The following MYO3B variants were observed in gnomAD, a reference collection of about 807,000 sequenced individuals.
MYO3B encodes the protein myosin-IIIb.
MYO3B carries 156 observed loss-of-function variants against 174.6 expected under a neutral mutation model. That is an observed-to-expected ratio of 0.89 (90% CI 0.78 to 1.02). The LOEUF (loss-of-function observed/expected upper bound fraction) is 1.02. Ranked by LOEUF, MYO3B falls within the 50% of genes least tolerant of loss-of-function variation. MYO3B has a pLI of 0.00. For missense variants in MYO3B, 1,632 were observed against 1,639.4 expected, an observed-to-expected ratio of 1.00 and a Z score of 0.08; for synonymous variants, 563 against 569.1, an observed-to-expected ratio of 0.99 and a Z score of 0.15.
At chr2:170,298,543 C>A (rs992520190) in intron 7 of MYO3B, among the ~76,000 whole-genome samples, 1 of 151,574 alleles carries the variant, frequency 6.6e-6, no homozygotes, top group East Asian at 1.9e-4. Context: ...GGTGTGCTGG[C>A]GGGGACCTGT....
intron 25 of MYO3B, among the ~76,000 whole-genome samples, chr2:170,491,648 A>G (rs920790875): frequency 4.6e-5 from 7 of 152,228 alleles, no homozygotes; most frequent in Non-Finnish European, 8.8e-5. Context: ...GACGGTCTCA[A>G]TCTCCTGACC....
intron 32 of MYO3B, among the ~76,000 whole-genome samples, chr2:170,621,497 ATGTTTTTT>A (rs752464983): frequency 1.0e-4 from 15 of 148,950 alleles, no homozygotes; most frequent in East Asian, 2.0e-4. Flanking sequence ...CCAACTGGAA[ATGTTTTTT>A]TGTTTTTTTG....
At chr2:170,233,742 C>T (rs2093037704) in intron 6 of MYO3B, among the ~76,000 whole-genome samples, 1 of 152,194 alleles carries the variant, frequency 6.6e-6, no homozygotes, top group African/African-American at 2.4e-5. Flanking sequence ...AACAAGAGCA[C>T]AGAGTTTAGA....
chr2:170,385,311 C>A (rs1260969587), intron 12 of MYO3B, among the ~76,000 whole-genome samples: 1 of 152,154 alleles, frequency 6.6e-6, no homozygotes, highest in African/African-American at 2.4e-5. Context: ...ACTCTAATCA[C>A]ATGTTTGGTC....
chr2:170,424,680 A>G (rs368448931), intron 22 of MYO3B, among the ~76,000 whole-genome samples: 31 of 152,324 alleles, frequency 2.0e-4, no homozygotes, highest in African/African-American at 5.5e-4. Context: ...TAACCTTGGG[A>G]AAATTAGTGT....
chr2:170,400,853 C>T lies in MYO3B; in HGVS notation c.1918+539C>T, dbSNP rs1027101926. Among the ~76,000 whole-genome samples, 5 of 148,800 alleles carry T rather than the reference C, an allele frequency of 3.4e-5. No individual in the cohort carries two copies. The East Asian group carries it at 8.7e-4, about 26-fold the overall frequency. ...TGTTTTTTTCTTTTTTTTTTCGAGGCGGAGTCTCGCTCTGTCTCCCAGACT... is the reference window on the plus strand; with the variant it reads ...TGTTTTTTTCTTTTTTTTTTCGAGGTGGAGTCTCGCTCTGTCTCCCAGACT... On this transcript the variant is annotated intron_variant, in intron 17 of 34. Transcript: ENST00000408978.
intron 32 of MYO3B, chr2:170,641,154 C>A (rs954929905): frequency 6.6e-6 from 1 of 152,218 alleles, no homozygotes; most frequent in East Asian, 1.9e-4. Context: ...CTGTTTCCAA[C>A]TGAAGAGGAA....
chr2:170,423,489 AAATATTTAT>A (rs2094634979), intron 22 of MYO3B, among the ~76,000 whole-genome samples: 1 of 152,052 alleles, frequency 6.6e-6, no homozygotes, highest in African/African-American at 2.4e-5. Context: ...CTTCTTCATA[AAATATTTAT>A]TTTCTTGTGT....
At chr2:170,268,843 T>C (rs951217671) in intron 7 of MYO3B, among the ~76,000 whole-genome samples, 2 of 152,056 alleles carry the variant, frequency 1.3e-5, no homozygotes, top group African/African-American at 4.8e-5. Context: ...AGACAAAGGA[T>C]AGAAATTAGC....
intron 32 of MYO3B, among the ~76,000 whole-genome samples, chr2:170,590,462 AT>A (rs1169758115): frequency 1.3e-5 from 2 of 151,966 alleles, no homozygotes; most frequent in Admixed American, 6.6e-5. Flanking sequence ...ACATTAACAT[AT>A]TTTTTTAAGT....
At chr2:170,258,482 A>G (rs1213256230) in intron 7 of MYO3B, among the ~76,000 whole-genome samples, 1 of 152,098 alleles carries the variant, frequency 6.6e-6, no homozygotes, top group Non-Finnish European at 1.5e-5. Flanking sequence ...CTCAATAGAT[A>G]TAGAAAAAGC....
At chr2:170,385,565 A>G (rs1474931908) in intron 12 of MYO3B, among the ~76,000 whole-genome samples, 2 of 152,238 alleles carry the variant, frequency 1.3e-5, no homozygotes, top group African/African-American at 4.8e-5. Flanking sequence ...GAAATGAATG[A>G]TAAAAATATC....
chr2:170,380,240 A>T (rs2094325334), intron 9 of MYO3B, among the ~76,000 whole-genome samples: 1 of 151,018 alleles, frequency 6.6e-6, no homozygotes, highest in African/African-American at 2.4e-5. Context: ...AGGACAGTTT[A>T]TGTATGATTT....
intron 25 of MYO3B, among the ~76,000 whole-genome samples, chr2:170,482,075 C>T (rs1208671190): frequency 2.0e-5 from 3 of 151,928 alleles, no homozygotes; most frequent in African/African-American, 4.8e-5. Context: ...GCACATCTTT[C>T]CCTTGTTGTT....
rs574132192 is a variant in MYO3B at position 170,393,651 on chromosome 2, C to T, written c.1791+1156C>T. 3.1e-4 allele frequency among the ~76,000 whole-genome samples: 47 copies of T among 152,288 alleles called. 2 individuals are homozygous for T. The highest frequency in any genetic ancestry group is 1.1e-3 in the African/African-American group (45 of 41,564). On this transcript the variant is annotated intron_variant, in intron 16 of 34. Transcript: ENST00000408978. ...CACTCCAGTTACCCTGGGATGGCCA[C>T]TCCAGATAAAGGATTACTTCTGTGT...
At chr2:170,474,379 C>T (rs1350465921) in intron 25 of MYO3B, among the ~76,000 whole-genome samples, 3 of 151,946 alleles carry the variant, frequency 2.0e-5, no homozygotes, top group Non-Finnish European at 2.9e-5. Context: ...ATGGAGTCAA[C>T]CCCACTTGAA....
At chr2:170,539,923 C>A (rs911889452) in intron 30 of MYO3B, among the ~76,000 whole-genome samples, 3 of 152,112 alleles carry the variant, frequency 2.0e-5, no homozygotes, top group Non-Finnish European at 4.4e-5. Context: ...CACCCAGCAA[C>A]AATTGATAAT....
rs572158743 is a variant in MYO3B at position 170,517,189 on chromosome 2, C to T, written c.3472+2167C>T. The stretch of plus-strand genomic sequence containing the variant: ...GATGGAGGAGCAGATTCCTTCTAAG[C>T]TTTATTCAGAATATTCTGTAAGTTT... On this transcript the variant is annotated intron_variant, in intron 29 of 34. Coordinates refer to ENST00000408978, the MANE Select transcript of MYO3B (RefSeq NM_138995.5). Among the ~76,000 whole-genome samples, 27 of 152,354 alleles carry T rather than the reference C, an allele frequency of 1.8e-4. No homozygotes were observed. In the South Asian group the frequency reaches 5.6e-3, roughly 32 times the overall value.
intron 32 of MYO3B, among the ~76,000 whole-genome samples, chr2:170,630,444 C>A (rs1053027556): frequency 3.9e-5 from 6 of 152,172 alleles, no homozygotes; most frequent in Non-Finnish European, 8.8e-5. Flanking sequence ...GGCCTGCCTG[C>A]CTCTGTAGAC....
Sources: allele counts gnomAD v4.1 joint callset (sites outside exome capture counted in the v4.1 genomes callset), GRCh38; gene constraint gnomAD v4.1.1; transcripts MANE v1.5; gene names NCBI Gene and HGNC (gene_info 2026-07-23, HGNC 2026-07-21).